TOR2A: variants seen among roughly 807,000 people sequenced by gnomAD.
TOR2A encodes prosalusin.
TOR2A carries 24 observed loss-of-function variants against 28.6 expected under a neutral mutation model. That is an observed-to-expected ratio of 0.84 (90% CI 0.61 to 1.18). The LOEUF (loss-of-function observed/expected upper bound fraction) is 1.18. TOR2A is among the 50% of genes most tolerant of loss of function. The pLI is 0.00. For synonymous variants in TOR2A, 203 were observed against 203.1 expected (o/e 1.00, Z 0.00); for missense variants, 426 against 448.1 (o/e 0.95, Z 0.45).
chr9:127,732,382 T>C, intron 4 of TOR2A, 104 bp from the exon 5 acceptor site: 1 of 1,472,540 alleles, frequency 6.8e-7, no homozygotes, highest in Non-Finnish European at 9.0e-7. Flanking sequence ...CTCAGTTCCC[T>C]CAGCCGCCTT....
Position 127,733,460 on chromosome 9 carries a change from A to G in TOR2A, c.518T>C (p.Val173Ala), listed in dbSNP as rs1844554576. The G allele has an allele frequency of 1.9e-6, 3 of 1,613,924 alleles. No homozygotes were observed. Among genetic ancestry groups the G allele is most frequent in the Non-Finnish European group, 2.5e-6 (3 of 1,179,994 alleles). Residue 173 changes from valine (V) to alanine (A), a missense_variant, in exon 3 of 5, where the codon GTC becomes GCC. Val to Ala is a moderately conservative substitution (Grantham distance 64). Coordinates refer to ENST00000373284, the MANE Select transcript of TOR2A (RefSeq NM_001085347.3). ...GGAGGAGCCCAGGAAAGGCCGCAGGACTTCCATCAGGCCTGGGGGCATCTT... is the reference window on the plus strand; with the variant it reads ...GGAGGAGCCCAGGAAAGGCCGCAGGGCTTCCATCAGGCCTGGGGGCATCTT... ...MDKMPPGLME[V>A]LRPFLGSSWV...
intron 1 of TOR2A, 43 bp downstream of exon 1, chr9:127,735,077 C>T (rs910910781): frequency 1.4e-6 from 2 of 1,399,264 alleles, no homozygotes; most frequent in South Asian, 3.0e-5. Context: ...CCGCGTCTGC[C>T]CGCGTCCGCC....
chr9:127,734,738 G>GC, intron 1 of TOR2A, 174 bp from the exon 2 acceptor site: 1 of 762,212 alleles, frequency 1.3e-6, no homozygotes, highest in Non-Finnish European at 1.9e-6. Context: ...CTTCGGGCCT[G>GC]ATTCAGCTCG....
At chr9:127,732,897 A>C in intron 3 of TOR2A, 1 of 1,419,180 alleles carries the variant, frequency 7.0e-7, no homozygotes, top group Non-Finnish European at 9.2e-7. Flanking sequence ...CGTACTTTAT[A>C]GTTTACAAAA....
Position 127,731,835 on chromosome 9 carries a change from GGGTTT to G in TOR2A, c.*194_*198del. The G allele has an allele frequency of 1.7e-6, 2 of 1,145,972 alleles. No homozygotes were observed. The highest frequency in any genetic ancestry group is 2.4e-6 in the Non-Finnish European group (2 of 834,884). 71.0% of individuals were successfully genotyped at this position (1,145,972 alleles called of 1,614,324 possible). On this transcript the variant is annotated 3_prime_UTR_variant, in exon 5 of 5. Coordinates refer to ENST00000373284, the MANE Select transcript of TOR2A (RefSeq NM_001085347.3). ...CTCAGTGAGGTTCTGGGGTGACCAG[GGGTTT>G]CCCTGGGGAAGGTGGCCGGGGCCAA... is the stretch of plus-strand genomic sequence containing the variant.
At position 127,734,286 on chromosome 9, in the gene TOR2A, G is replaced by A. The variant is rs758084072; in HGVS notation, c.417+13C>T. On this transcript the variant is annotated intron_variant, in intron 2 of 4. Transcript: ENST00000373284. ...CATGGTGAGAACAGTGGTCAAGGAC[G>A]CATCCAGCCTACCTTGTAGCGCTCG... The A allele has an allele frequency of 1.3e-6, 2 of 1,563,228 alleles. No individual in the cohort carries two copies. Among genetic ancestry groups the A allele is most frequent in the East Asian group, 4.6e-5 (2 of 43,554 alleles).
Position 127,735,230 on chromosome 9 carries a change from A to C in TOR2A, c.41T>G (p.Leu14Arg). 1.4e-6 allele frequency: 2 copies of C among 1,456,994 alleles called. No homozygotes were observed. The highest frequency in any genetic ancestry group is 1.8e-6 in the Non-Finnish European group (2 of 1,112,854). The allele number at this position is 1,456,994 out of a possible 1,614,324, so 90.3% of individuals were successfully genotyped here. A position where few individuals can be genotyped will look rare whatever the true frequency, so the allele number is the denominator to read the frequency against. The change falls in exon 1 of 5, where the codon CTC (leucine) becomes CGC (arginine). Residue 14 changes from leucine (L) to arginine (R), a missense_variant. Leu to Arg is a moderately radical substitution (Grantham distance 102, BLOSUM62 -2). Coordinates refer to ENST00000373284, the MANE Select transcript of TOR2A (RefSeq NM_001085347.3). ...CGAGACCAGCCCGAGCAGCCCGAGG[A>C]GCGAGCCCCAGGGCCGGCAGCCGCG... is the stretch of plus-strand genomic sequence containing the variant. ...ATRGCRPWGS[L>R]LGLLGLVSAA...
intron 3 of TOR2A, 155 bp downstream of exon 3, chr9:127,733,230 T>G: frequency 1.2e-6 from 2 of 1,606,930 alleles, no homozygotes; most frequent in Middle Eastern, 1.7e-4. Context: ...CCAGGCGGAA[T>G]GACAATGTCA....
At position 127,733,423 on chromosome 9, in the gene TOR2A, G is replaced by A. The variant is rs182202164; in HGVS notation, c.555C>T (p.Tyr185=). 8.3e-5 allele frequency: 134 copies of A among 1,613,788 alleles called. No individual in the cohort carries two copies. The highest frequency in any genetic ancestry group is 4.5e-4 in the East Asian group (20 of 44,878). ...RPFLGSSWVV[Y]GTNYRKAIFI... ...AGATGGCTTTGCGGTAATTGGTCCC[G>A]TATACCACCCAGGAGGAGCCCAGGA... The change falls in exon 3 of 5, where the codon TAC becomes TAT. Residue 185 remains tyrosine, a synonymous_variant. Coordinates refer to ENST00000373284, the MANE Select transcript of TOR2A (RefSeq NM_001085347.3).
chr9:127,734,263 T>C (rs1844589718), intron 2 of TOR2A, 36 bp downstream of exon 2: 1 of 1,532,740 alleles, frequency 6.5e-7, no homozygotes, highest in Non-Finnish European at 8.8e-7. Context: ...TGGCACCCCA[T>C]GGTGAGAACA....
rs144539918 is a variant in TOR2A, at chr9:127,732,649, C to T, written c.636G>A (p.Ala212=). 20 of 1,571,206 alleles carry T rather than the reference C, an allele frequency of 1.3e-5. No homozygotes were observed. The African/African-American group carries it at 1.6e-4, about 13-fold the overall frequency. ...GKQINQVALE[A]WRSRRDREEI... ...CCTCGCGGTCCCGCCGGCTGCGCCACGCCTCCAATGCCACCTGGTTGATCT... is the reference window on the plus strand; with the variant it reads ...CCTCGCGGTCCCGCCGGCTGCGCCATGCCTCCAATGCCACCTGGTTGATCT... Residue 212 remains alanine (A), a synonymous_variant, in exon 4 of 5, where the codon GCG becomes GCA. Transcript: ENST00000373284.
In TOR2A at chr9:127,731,886, G is replaced by T; in HGVS notation, c.*148C>A. 1 of 1,454,312 alleles carries T rather than the reference G, an allele frequency of 6.9e-7. No homozygotes were observed. The highest frequency in any genetic ancestry group is 9.1e-7 in the Non-Finnish European group (1 of 1,097,892). 90.1% of individuals were successfully genotyped at this position (1,454,312 alleles called of 1,614,324 possible). On this transcript the variant is annotated 3_prime_UTR_variant, in exon 5 of 5. Coordinates refer to ENST00000373284, the MANE Select transcript of TOR2A (RefSeq NM_001085347.3). ...GCCAAGATGCTCTCGAGCCAGTTTA[G>T]AGGCCAGGGCCCTTCCTGGCCATCT...
rs1298567747 is a variant in TOR2A, at chr9:127,733,405, T to G, written c.573A>C (p.Lys191Asn). 6.2e-7 allele frequency: 1 copy of G among 1,613,818 alleles called. No homozygotes were observed. Among genetic ancestry groups the G allele is most frequent in the South Asian group, 1.1e-5 (1 of 91,084 alleles). ...SWVVYGTNYRKAIFIFISNTG... is the reference protein window; with the variant it reads ...SWVVYGTNYRNAIFIFISNTG... ...CCCACCTGATGAAGATGAAGATGGC[T>G]TTGCGGTAATTGGTCCCGTATACCA... The change falls in exon 3 of 5, where the codon AAA (lysine) becomes AAC (asparagine). Residue 191 changes from lysine (K) to asparagine (N), a missense_variant. Transcript: ENST00000373284.
chr9:127,731,674 AG>A lies in TOR2A; in HGVS notation c.*359del. 6.1e-6 allele frequency: 5 copies of A among 817,296 alleles called. No homozygotes were observed. Among genetic ancestry groups the A allele is most frequent in the Non-Finnish European group, 8.9e-6 (5 of 560,256 alleles). The allele number at this position is 817,296 out of a possible 1,614,324, so 50.6% of individuals were successfully genotyped here. On this transcript the variant is annotated 3_prime_UTR_variant, in exon 5 of 5. Transcript: ENST00000373284. Reference sequence around the variant, plus strand: ...GATATGGACACAGGGTGTGGGGTGGAGGGGAGGAGGTATGGTGCCCGACCAA... The same window carrying A: ...GATATGGACACAGGGTGTGGGGTGGAGGGAGGAGGTATGGTGCCCGACCAA...
intron 1 of TOR2A, chr9:127,734,906 T>A: frequency 1.5e-6 from 1 of 677,574 alleles, no homozygotes; most frequent in East Asian, 3.5e-5. Flanking sequence ...CCACCAAGGG[T>A]TCTGCTGGCT....
Position 127,732,006 on chromosome 9 carries a change from A to T in TOR2A, c.*28T>A. 2 of 1,592,240 alleles carry T rather than the reference A, an allele frequency of 1.3e-6. No individual in the cohort carries two copies. The highest frequency in any genetic ancestry group is 1.7e-6 in the Non-Finnish European group (2 of 1,170,388). ...GCCTTTCCTGCATGGCCTGGCCATC[A>T]GGGGGGCCGAGGACACCACTCAGAG... is the stretch of plus-strand genomic sequence containing the variant. On this transcript the variant is annotated 3_prime_UTR_variant, in exon 5 of 5. Coordinates refer to ENST00000373284, the MANE Select transcript of TOR2A (RefSeq NM_001085347.3).
At chr9:127,732,308 TTG>T in intron 4 of TOR2A, 30 bp from the exon 5 acceptor site, 3 of 1,543,358 alleles carry the variant, frequency 1.9e-6, no homozygotes, top group Non-Finnish European at 2.6e-6. Flanking sequence ...GGAGGGGACT[TTG>T]TGCTTCACAA....
rs761444022 is a variant in TOR2A at position 127,735,104 on chromosome 9, C to T, written c.151+16G>A. 2 of 1,455,020 alleles carry T rather than the reference C, an allele frequency of 1.4e-6. No individual in the cohort carries two copies. Among genetic ancestry groups the T allele is most frequent in the Non-Finnish European group, 1.8e-6 (2 of 1,109,038 alleles). The allele number at this position is 1,455,020 out of a possible 1,614,324, so 90.1% of individuals were successfully genotyped here. ...GCGTCCGCCCGCCCCTCGCTCCGGG[C>T]TCCCTGGCGCCTCACCCGGCAAGTC... On this transcript the variant is annotated intron_variant, in intron 1 of 4. Transcript: ENST00000373284.
In TOR2A at chr9:127,732,481, G is replaced by A. The variant is rs1458918810; in HGVS notation, c.721+83C>T. On this transcript the variant is annotated intron_variant, in intron 4 of 4. Coordinates refer to ENST00000373284, the MANE Select transcript of TOR2A (RefSeq NM_001085347.3). Reference sequence around the variant, plus strand: ...CAGGCTCAGAACTGCCGGGTCAGTGGGCAAAGCATGAGACCCCGGGAGAGC... The same window carrying A: ...CAGGCTCAGAACTGCCGGGTCAGTGAGCAAAGCATGAGACCCCGGGAGAGC... 12 of 1,471,238 alleles carry A rather than the reference G, an allele frequency of 8.2e-6. No individual in the cohort carries two copies. In the East Asian group the frequency reaches 1.4e-4, roughly 17 times the overall value. 91.1% of individuals were successfully genotyped at this position (1,471,238 alleles called of 1,614,324 possible).
Sources: gnomAD v4.1 joint callset for allele counts on GRCh38, gnomAD v4.1.1 for gene constraint, MANE v1.5 for transcripts, NCBI Gene and HGNC (gene_info 2026-07-23, HGNC 2026-07-21) for gene names.